AP5Z1: variants seen among roughly 807,000 people sequenced by gnomAD.
AP5Z1 encodes adaptor related protein complex 5 subunit zeta 1, also known as AP-5 complex subunit zeta-1.
A neutral mutation model predicts 83.0 loss-of-function variants in AP5Z1; 106 were observed. The observed-to-expected ratio is 1.28, with a 90% confidence interval of 1.09 to 1.50. The LOEUF is 1.50. AP5Z1 is among the 40% of genes most tolerant of loss of function. AP5Z1 has a pLI of 0.00. For missense variants in AP5Z1, 1,565 were observed against 1,094.2 expected, an observed-to-expected ratio of 1.43 and a Z score of -6.07; for synonymous variants, 751 against 514.1, an observed-to-expected ratio of 1.46 and a Z score of -6.23.
At chr7:4,778,879 AAAAG>A (rs937945677) in intron 1 of AP5Z1, among the ~76,000 whole-genome samples, 1 of 145,642 alleles carries the variant, frequency 6.9e-6, no homozygotes, top group Non-Finnish European at 1.5e-5. Context: ...TATAATCAAA[AAAAG>A]AATAAAAAAA....
chr7:4,776,959 T>C (rs1013598459), intron 1 of AP5Z1, among the ~76,000 whole-genome samples: 8 of 152,024 alleles, frequency 5.3e-5, no homozygotes, highest in African/African-American at 1.9e-4. Flanking sequence ...GCTAGACCAA[T>C]TGGTGGGAAA....
chr7:4,780,559 T>C (rs1251174001), intron 1 of AP5Z1, among the ~76,000 whole-genome samples: 4 of 152,110 alleles, frequency 2.6e-5, no homozygotes, highest in Admixed American at 1.3e-4. Context: ...TGTCAGGAGA[T>C]CAAGACCATC....
intron 3 of AP5Z1, among the ~76,000 whole-genome samples, chr7:4,782,828 G>A (rs528853225): frequency 2.0e-5 from 3 of 152,292 alleles, no homozygotes; most frequent in Admixed American, 6.5e-5. Context: ...GCTGCCAGGC[G>A]CCAGCGGTGC....
intron 13 of AP5Z1, 22 bp from the exon 14 acceptor site, chr7:4,789,810 G>T: frequency 1.3e-6 from 2 of 1,547,318 alleles, no homozygotes; most frequent in East Asian, 2.4e-5. Context: ...GGCTGAGCCT[G>T]TTTCCCACTC....
Position 4,781,241 on chromosome 7 carries a change from C to T in AP5Z1, c.108C>T (p.Asp36=). The change falls in exon 2 of 17, where the codon GAC becomes GAT. Residue 36 remains aspartate, a synonymous_variant. Transcript: ENST00000649063. ...SRICKLLQAE[D]LGPDTLDSLQ... Reference sequence around the variant, plus strand: ...TCTGTAAACTGCTGCAGGCGGAGGACTTGGGGCCGGACACCCTCGACTCCC... The same window carrying T: ...TCTGTAAACTGCTGCAGGCGGAGGATTTGGGGCCGGACACCCTCGACTCCC... 1 of 1,613,832 alleles carries T rather than the reference C, an allele frequency of 6.2e-7. No individual in the cohort carries two copies. The highest frequency in any genetic ancestry group is 1.3e-5 in the African/African-American group (1 of 75,038).
rs113184057 is a variant in AP5Z1, at chr7:4,790,865, C to T, written c.2131C>T (p.Arg711Trp). 3.5e-5 allele frequency: 57 copies of T among 1,605,730 alleles called. No homozygotes were observed. Among genetic ancestry groups the T allele is most frequent in the Admixed American group, 1.3e-4 (8 of 59,348 alleles). ...LMTTLTKLASRSQDLIPRASL... is the reference protein window; with the variant it reads ...LMTTLTKLASWSQDLIPRASL... ...GACCACGCTGACGAAGCTGGCCTCC[C>T]GGAGCCAAGATCTGATCCCCAGGTG... Residue 711 changes from arginine (R) to tryptophan (W), a missense_variant, in exon 16 of 17, where the codon CGG (arginine) becomes TGG (tryptophan). By Grantham distance (101) the Arg-to-Trp change is moderately radical. Transcript: ENST00000649063.
rs1239795309 is a variant in AP5Z1 at position 4,785,445 on chromosome 7, A to G, written c.962A>G (p.Gln321Arg). 1 of 1,613,518 alleles carries G rather than the reference A, an allele frequency of 6.2e-7. No homozygotes were observed. Among genetic ancestry groups the G allele is most frequent in the Non-Finnish European group, 8.5e-7 (1 of 1,179,718 alleles). Reference protein sequence around the residue: ...RALRKGDSDLQKACLVEAVLV... With the variant: ...RALRKGDSDLRKACLVEAVLV... The stretch of plus-strand genomic sequence containing the variant: ...CTGAGGAAGGGGGACTCCGACCTGC[A>G]GAAAGCTGTAAGTGGCTGGGGACCA... Residue 321 changes from glutamine to arginine, a missense_variant, in exon 8 of 17, where the codon CAG becomes CGG. By Grantham distance (43) the Gln-to-Arg change is conservative. Transcript: ENST00000649063.
intron 1 of AP5Z1, among the ~76,000 whole-genome samples, chr7:4,777,129 A>C (rs1052914930): frequency 6.6e-6 from 1 of 152,210 alleles, no homozygotes; most frequent in African/African-American, 2.4e-5. Flanking sequence ...ATCTCCCAGC[A>C]GCTCAACATA....
intron 1 of AP5Z1, among the ~76,000 whole-genome samples, chr7:4,777,904 CTG>C (rs1283943704): frequency 2.0e-5 from 3 of 152,190 alleles, no homozygotes; most frequent in Non-Finnish European, 2.9e-5. Flanking sequence ...AAATAAATGA[CTG>C]TAGTTTGAGG....
intron 11 of AP5Z1, 33 bp from the exon 12 acceptor site, chr7:4,788,106 AGTGCAGGGGCCGCAT>A: frequency 6.8e-7 from 1 of 1,471,622 alleles, no homozygotes; most frequent in African/African-American, 1.4e-5. Flanking sequence ...GGTGCCCTTG[AGTGCAGGGGCCGCAT>A]CCCAGCCTGG....
rs562326718 is a variant in AP5Z1 at position 4,780,978 on chromosome 7, G to A, written c.42-197G>A. On this transcript the variant is annotated intron_variant, in intron 1 of 16. Coordinates refer to ENST00000649063, the MANE Select transcript of AP5Z1 (RefSeq NM_014855.3). Reference sequence around the variant, plus strand: ...TCATAGTGCGCTGCAGCGATGGATCGGGAAATCCCAGGGTGAGAGGAACCA... The same window carrying A: ...TCATAGTGCGCTGCAGCGATGGATCAGGAAATCCCAGGGTGAGAGGAACCA... Among the ~76,000 whole-genome samples, 198 of 152,288 alleles carry A rather than the reference G, an allele frequency of 1.3e-3. 16 individuals carry two copies. Among genetic ancestry groups the A allele is most frequent in the African/African-American group, 2.2e-4 (9 of 41,574 alleles).
intron 10 of AP5Z1, among the ~76,000 whole-genome samples, chr7:4,786,798 C>G (rs1334849117): frequency 6.6e-6 from 1 of 151,606 alleles, no homozygotes; most frequent in African/African-American, 2.4e-5. Flanking sequence ...GAGATGGAGT[C>G]TCATTCCTGT....
chr7:4,791,187 G>C lies in AP5Z1; in HGVS notation c.2226G>C (p.Glu742Asp), dbSNP rs1438225672. 6.2e-7 allele frequency: 1 copy of C among 1,612,460 alleles called. No individual in the cohort carries two copies. The highest frequency in any genetic ancestry group is 8.5e-7 in the Non-Finnish European group (1 of 1,179,740). ...CCACCAGCTCCACGCACAGCGAGGA[G>C]GGCGCGGAAGCCATCCGTACCCGGG... is the stretch of plus-strand genomic sequence containing the variant. ...SPATSSTHSE[E>D]GAEAIRTRAT... Residue 742 changes from glutamate to aspartate, a missense_variant, in exon 17 of 17, where the codon GAG (glutamate) becomes GAC (aspartate). Physicochemically the swap from Glu to Asp is conservative, Grantham distance 45. Coordinates refer to ENST00000649063, the MANE Select transcript of AP5Z1 (RefSeq NM_014855.3).
chr7:4,783,283 A>G (rs1430287529), intron 3 of AP5Z1, 33 bp from the exon 4 acceptor site: 3 of 1,565,512 alleles, frequency 1.9e-6, no homozygotes, highest in Admixed American at 1.9e-5. Flanking sequence ...GGCACAGGCC[A>G]GTACCCCAGC....
intron 9 of AP5Z1, 95 bp from the exon 10 acceptor site, chr7:4,786,155 G>A (rs970135452): frequency 3.8e-6 from 5 of 1,332,134 alleles, no homozygotes; most frequent in Non-Finnish European, 5.0e-6. Flanking sequence ...TGGTGTCCTG[G>A]AGAGCAGGCC....
chr7:4,788,612 G>C (rs1260841927), intron 12 of AP5Z1: 7 of 506,516 alleles, frequency 1.4e-5, no homozygotes, highest in Non-Finnish European at 2.1e-5. Context: ...CCGGCCACAG[G>C]CCTCCTGCCC....
At chr7:4,787,523 C>A (rs1355046539) in intron 10 of AP5Z1, 111 bp from the exon 11 acceptor site, 2 of 1,419,248 alleles carry the variant, frequency 1.4e-6, no homozygotes, top group Non-Finnish European at 1.9e-6. Flanking sequence ...AGGTAGAAGC[C>A]CTCCTGGGGA....
At position 4,790,879 on chromosome 7, in the gene AP5Z1, G is replaced by C; in HGVS notation, c.2145G>C (p.Leu715=). 6.2e-7 allele frequency: 1 copy of C among 1,602,204 alleles called. No homozygotes were observed. Among genetic ancestry groups the C allele is most frequent in the Non-Finnish European group, 8.5e-7 (1 of 1,175,376 alleles). The change falls in exon 16 of 17, where the codon CTG becomes CTC. Residue 715 remains leucine (L), a synonymous_variant. Coordinates refer to ENST00000649063, the MANE Select transcript of AP5Z1 (RefSeq NM_014855.3). ...LTKLASRSQD[L]IPRASLLLSK... is the part of the protein sequence containing the mutation. The stretch of plus-strand genomic sequence containing the variant: ...AGCTGGCCTCCCGGAGCCAAGATCT[G>C]ATCCCCAGGTGCCTGGTCAGGGAGG...
rs183237366 is a variant in AP5Z1 at position 4,791,532 on chromosome 7, C to T, written c.*147C>T. The T allele has an allele frequency of 2.2e-5, 27 of 1,222,166 alleles. No homozygotes were observed. The highest frequency in any genetic ancestry group is 2.9e-4 in the Middle Eastern group (1 of 3,484). 75.7% of individuals were successfully genotyped at this position (1,222,166 alleles called of 1,614,324 possible). On this transcript the variant is annotated 3_prime_UTR_variant, in exon 17 of 17. Transcript: ENST00000649063. Reference sequence around the variant, plus strand: ...GGTGGGCTTGGCACCCTCACAGACACGCGGGGCTGGCCCCCCTGCTCACCC... The same window carrying T: ...GGTGGGCTTGGCACCCTCACAGACATGCGGGGCTGGCCCCCCTGCTCACCC...
Sources: allele counts gnomAD v4.1 joint callset (sites outside exome capture counted in the v4.1 genomes callset), GRCh38; gene constraint gnomAD v4.1.1; transcripts MANE v1.5; gene names NCBI Gene and HGNC (gene_info 2026-07-23, HGNC 2026-07-21).